MACROD2: variants seen among roughly 807,000 people sequenced by gnomAD.
MACROD2 encodes ADP-ribose glycohydrolase MACROD2.
MACROD2 carries 36 observed loss-of-function variants against 70.4 expected under a neutral mutation model. That is an observed-to-expected ratio of 0.51 (90% CI 0.39 to 0.68). The LOEUF is 0.68. MACROD2 is among the 30% of genes least tolerant of loss of function. The pLI, the probability that MACROD2 is intolerant of heterozygous loss-of-function variation, is 0.00. For synonymous variants in MACROD2, 172 were observed against 178.8 expected (o/e 0.96, Z 0.30); for missense variants, 496 against 538.4 (o/e 0.92, Z 0.78).
intron 2 of MACROD2, among the ~76,000 whole-genome samples, chr20:14,062,815 T>G (rs998218308): frequency 1.3e-5 from 2 of 152,206 alleles, no homozygotes; most frequent in Non-Finnish European, 2.9e-5. Context: ...ATACAGAATC[T>G]AATGAAATCT....
At chr20:16,025,564 G>A (rs1022002627) in intron 15 of MACROD2, among the ~76,000 whole-genome samples, 1 of 152,164 alleles carries the variant, frequency 6.6e-6, no homozygotes, top group African/African-American at 2.4e-5. Flanking sequence ...AGAGATGTCA[G>A]GCCTGAGTGG....
chr20:14,193,501 G>A (rs905752746), intron 3 of MACROD2, among the ~76,000 whole-genome samples: 3 of 152,138 alleles, frequency 2.0e-5, no homozygotes, highest in Admixed American at 6.5e-5. Flanking sequence ...AAAGGAATGG[G>A]CAGGGTTAAG....
At chr20:14,064,432 T>C (rs1159001418) in intron 2 of MACROD2, among the ~76,000 whole-genome samples, 1 of 152,134 alleles carries the variant, frequency 6.6e-6, no homozygotes, top group Non-Finnish European at 1.5e-5. Flanking sequence ...ATATGTAACA[T>C]ATCCAGGACT....
intron 3 of MACROD2, among the ~76,000 whole-genome samples, chr20:14,253,138 A>G (rs2082025570): frequency 6.6e-6 from 1 of 151,912 alleles, no homozygotes; most frequent in Non-Finnish European, 1.5e-5. Flanking sequence ...TCTTTTTAGC[A>G]CTCAAGGAGA....
chr20:14,951,487 C>T (rs547226527), intron 5 of MACROD2, among the ~76,000 whole-genome samples: 2 of 152,192 alleles, frequency 1.3e-5, no homozygotes, highest in African/African-American at 2.4e-5. Flanking sequence ...AGAAAGGATG[C>T]TGTGCTTGAT....
intron 5 of MACROD2, among the ~76,000 whole-genome samples, chr20:14,956,305 T>C (rs1414338472): frequency 6.6e-6 from 1 of 151,794 alleles, no homozygotes; most frequent in Non-Finnish European, 1.5e-5. Context: ...TTCTGACAAA[T>C]GGAAACCTGG....
At chr20:14,924,118 T>C (rs1411596787) in intron 5 of MACROD2, among the ~76,000 whole-genome samples, 1 of 152,170 alleles carries the variant, frequency 6.6e-6, no homozygotes. Context: ...AATCTTGCTT[T>C]TTCATAAAAA....
chr20:16,049,727 G>A lies in MACROD2; in HGVS notation c.1301-103G>A, dbSNP rs6110884. The A allele has an allele frequency of 4.9e-5, 57 of 1,152,356 alleles. No homozygotes were observed. The East Asian group carries it at 1.1e-3, about 22-fold the overall frequency. The allele number at this position is 1,152,356 out of a possible 1,614,324, so 71.4% of individuals were successfully genotyped here. On this transcript the variant is annotated intron_variant, in intron 17 of 17. Coordinates refer to ENST00000684519, the MANE Select transcript of MACROD2 (RefSeq NM_001351661.2). ...ATAAGATATTTCTGGGCCTATGTGA[G>A]GGGTGAGAGACATTTAAATGGCTGT...
chr20:14,380,677 C>T (rs1311409998), intron 3 of MACROD2, among the ~76,000 whole-genome samples: 11 of 152,084 alleles, frequency 7.2e-5, no homozygotes, highest in African/African-American at 2.4e-4. Flanking sequence ...TCTCTATTGA[C>T]TGGTCTCTTC....
chr20:14,268,052 TAGAA>T (rs1245740192), intron 3 of MACROD2, among the ~76,000 whole-genome samples: 4 of 152,190 alleles, frequency 2.6e-5, no homozygotes, highest in Admixed American at 6.5e-5. Context: ...TATACAAAAA[TAGAA>T]AGAATATTAT....
intron 5 of MACROD2, among the ~76,000 whole-genome samples, chr20:14,997,659 TG>T: frequency 6.6e-6 from 1 of 152,330 alleles, no homozygotes; most frequent in South Asian, 2.1e-4. Flanking sequence ...TAGACCCACC[TG>T]GGTCAGAAGG....
At chr20:14,543,702 G>C (rs1017321765) in intron 4 of MACROD2, among the ~76,000 whole-genome samples, 1 of 152,098 alleles carries the variant, frequency 6.6e-6, no homozygotes, top group Non-Finnish European at 1.5e-5. Flanking sequence ...ATCATAAGTT[G>C]AAAATATCAT....
intron 3 of MACROD2, among the ~76,000 whole-genome samples, chr20:14,480,913 A>G (rs2084656290): frequency 6.6e-6 from 1 of 152,138 alleles, no homozygotes; most frequent in African/African-American, 2.4e-5. Context: ...TGTAACTAAC[A>G]TTTTACTATA....
intron 15 of MACROD2, among the ~76,000 whole-genome samples, chr20:16,024,778 G>A (rs569953495): frequency 5.3e-4 from 80 of 152,336 alleles, no homozygotes; most frequent in Middle Eastern, 6.8e-3. Flanking sequence ...GGGGGAGGGG[G>A]TGTTCCTGCT....
intron 8 of MACROD2, among the ~76,000 whole-genome samples, chr20:15,669,669 T>C (rs2049951441): frequency 6.6e-6 from 1 of 152,202 alleles, no homozygotes; most frequent in Non-Finnish European, 1.5e-5. Context: ...CGGGTATCAT[T>C]AGGGAATTTG....
intron 5 of MACROD2, among the ~76,000 whole-genome samples, chr20:15,080,296 C>T (rs2075693505): frequency 6.6e-6 from 1 of 152,116 alleles, no homozygotes. Context: ...TACTGCAAAA[C>T]ACACTTGTTA....
chr20:15,764,492 A>G (rs995442770), intron 8 of MACROD2, among the ~76,000 whole-genome samples: 1 of 152,136 alleles, frequency 6.6e-6, no homozygotes, highest in Non-Finnish European at 1.5e-5. Context: ...CCGCCATCAT[A>G]AATGGCCTCA....
chr20:14,897,351 T>C (rs925268558), intron 5 of MACROD2, among the ~76,000 whole-genome samples: 1 of 152,110 alleles, frequency 6.6e-6, no homozygotes, highest in African/African-American at 2.4e-5. Flanking sequence ...TTAAAAAAAA[T>C]TTCCTGTCAA....
intron 5 of MACROD2, among the ~76,000 whole-genome samples, chr20:14,900,688 C>A (rs1374546544): frequency 6.6e-6 from 1 of 151,590 alleles, no homozygotes; most frequent in Non-Finnish European, 1.5e-5. Flanking sequence ...GTAATTGAGC[C>A]CTTTTTTTTT....
Sources: allele counts gnomAD v4.1 joint callset (sites outside exome capture counted in the v4.1 genomes callset), GRCh38; gene constraint gnomAD v4.1.1; transcripts MANE v1.5; gene names NCBI Gene and HGNC (gene_info 2026-07-23, HGNC 2026-07-21).